LIMD2: variants seen among roughly 807,000 people sequenced by gnomAD.
LIMD2 encodes the protein LIM domain containing 2.
Under a neutral mutation model 16.0 loss-of-function variants are expected in LIMD2, and 11 were observed. The observed-to-expected ratio is 0.69, with a 90% confidence interval of 0.43 to 1.14. The LOEUF (loss-of-function observed/expected upper bound fraction) is 1.14, where lower values mean the gene tolerates loss of function less well. Ranked by LOEUF, LIMD2 falls within the 50% of genes most tolerant of loss-of-function variation. LIMD2 has a pLI of 0.00. For synonymous variants in LIMD2, 60 were observed against 67.1 expected, an observed-to-expected ratio of 0.89 and a Z score of 0.52; for missense variants, 168 against 165.8, an observed-to-expected ratio of 1.01 and a Z score of -0.07.
At chr17:63,700,432 G>T, upstream of LIMD2, 1 of 152,062 alleles carries the variant, frequency 6.6e-6, no homozygotes, top group Non-Finnish European at 1.5e-5. This position sits in a 1 kb window ranked among gnomAD's most constrained non-coding sequence, Gnocchi z 7.1. Context: ...GGCAGGGACA[G>T]GATGGAAGGG....
chr17:63,700,800 C>T (rs930640795), upstream of LIMD2: 2 of 147,328 alleles, frequency 1.4e-5, no homozygotes, highest in African/African-American at 4.9e-5. The surrounding 1 kb of genome is among the most constrained non-coding windows in gnomAD (Gnocchi z 7.1). Context: ...GAGGAGCCTG[C>T]ACGAGGGCCC....
rs2035704162 is a variant in LIMD2 at position 63,697,038 on chromosome 17, C to G, written c.*1514G>C. ...CCAGGAGTCTCTGTTCTCATCGATC[C>G]CATGTCTGGAGACATCAGGAAGTTG... On this transcript the variant is annotated 3_prime_UTR_variant, in exon 5 of 5. Coordinates refer to ENST00000259006, the MANE Select transcript of LIMD2 (RefSeq NM_030576.4). 1 of 152,236 alleles carries G rather than the reference C, an allele frequency of 6.6e-6. No homozygotes were observed. The highest frequency in any genetic ancestry group is 6.5e-5 in the Admixed American group (1 of 15,276). The allele number at this position is 152,236 out of a possible 1,614,324, so 9.4% of individuals were successfully genotyped here. A position where few individuals can be genotyped will look rare whatever the true frequency, so the allele number is the denominator to read the frequency against.
In LIMD2 at chr17:63,700,069, G is replaced by C; in HGVS notation, c.-88C>G. 1 of 984,406 alleles carries C rather than the reference G, an allele frequency of 1.0e-6. No homozygotes were observed. Among genetic ancestry groups the C allele is most frequent in the Non-Finnish European group, 1.2e-6 (1 of 829,294 alleles). 61.0% of individuals were successfully genotyped at this position (984,406 alleles called of 1,614,324 possible). ...GGGCCGCGGGGCGGGATCGGTCTCC[G>C]GGGGCGCACGGGTACGAGGAGGGCG... On this transcript the variant is annotated 5_prime_UTR_variant, in exon 1 of 5. Coordinates refer to ENST00000259006, the MANE Select transcript of LIMD2 (RefSeq NM_030576.4). This position sits in a 1 kb window ranked among gnomAD's most constrained non-coding sequence, Gnocchi z 7.1.
rs542776849 is a variant in LIMD2 at position 63,699,255 on chromosome 17, A to G, written c.42+2T>C. ...GGCCCTCCCACCCAGCCGGGCACTT[A>G]CATGAGAGGGGGTGGCCTGGGCGGC... On this transcript the variant is annotated splice_donor_variant, in intron 2 of 4. Transcript: ENST00000259006. LOFTEE classifies it high-confidence loss of function. 6.2e-7 allele frequency: 1 copy of G among 1,611,654 alleles called. No homozygotes were observed. Among genetic ancestry groups the G allele is most frequent in the Non-Finnish European group, 8.5e-7 (1 of 1,179,512 alleles).
In LIMD2 at chr17:63,697,623, A is replaced by C. The variant is rs191114996; in HGVS notation, c.*929T>G. 3 of 152,382 alleles carry C rather than the reference A, an allele frequency of 2.0e-5. No individual in the cohort carries two copies. The highest frequency in any genetic ancestry group is 7.2e-5 in the African/African-American group (3 of 41,550). 9.4% of individuals were successfully genotyped at this position (152,382 alleles called of 1,614,324 possible). ...CCAAAACCACTGTGGGTGTGACAGC[A>C]TGAAGCCCTCGCTGTGAAGAGGAGC... On this transcript the variant is annotated 3_prime_UTR_variant, in exon 5 of 5. Coordinates refer to ENST00000259006, the MANE Select transcript of LIMD2 (RefSeq NM_030576.4).
upstream of LIMD2, chr17:63,700,645 C>G (rs368263910): frequency 6.6e-6 from 1 of 151,604 alleles, no homozygotes; most frequent in South Asian, 2.1e-4. The surrounding 1 kb of genome is among the most constrained non-coding windows in gnomAD (Gnocchi z 7.1). Flanking sequence ...GAGACCCAGC[C>G]GGGGCGACCC....
Position 63,696,484 on chromosome 17 carries a change from C to G in LIMD2, c.*2068G>C, listed in dbSNP as rs747669813. ...GATACCATTGTCAGTCCAGAGGTGT[C>G]TGCCCCTTTCCTCCAGTTGCCCCTC... On this transcript the variant is annotated 3_prime_UTR_variant, in exon 5 of 5. Coordinates refer to ENST00000259006, the MANE Select transcript of LIMD2 (RefSeq NM_030576.4). 6.1e-4 allele frequency: 93 copies of G among 152,592 alleles called. 1 individual carries two copies. The highest frequency in any genetic ancestry group is 6.2e-4 in the Non-Finnish European group (42 of 68,210). The allele number at this position is 152,592 out of a possible 1,614,324, so 9.5% of individuals were successfully genotyped here.
In LIMD2 at chr17:63,698,288, T is replaced by A; in HGVS notation, c.*264A>T. On this transcript the variant is annotated 3_prime_UTR_variant, in exon 5 of 5. Transcript: ENST00000259006. Reference sequence around the variant, plus strand: ...GGCTTGGGGGCCTCCCAGGGGGTCCTGGGGTGAGGTGGGGAGGGAGGCTGA... The same window carrying A: ...GGCTTGGGGGCCTCCCAGGGGGTCCAGGGGTGAGGTGGGGAGGGAGGCTGA... The A allele has an allele frequency of 1.9e-6, 1 of 514,634 alleles. No homozygotes were observed. Among genetic ancestry groups the A allele is most frequent in the South Asian group, 2.3e-5 (1 of 43,188 alleles). The allele number at this position is 514,634 out of a possible 1,614,324, so 31.9% of individuals were successfully genotyped here. A position where few individuals can be genotyped will look rare whatever the true frequency, so the allele number is the denominator to read the frequency against.
upstream of LIMD2, chr17:63,700,828 C>CGGCAG (rs57885810): frequency 1.3e-5 from 2 of 152,102 alleles, no homozygotes; most frequent in East Asian, 1.9e-4. The surrounding 1 kb of genome is among the most constrained non-coding windows in gnomAD (Gnocchi z 7.1). Context: ...CCGGCAGCCC[C>CGGCAG]CCCAGCCCTC....
chr17:63,698,945 G>A lies in LIMD2; in HGVS notation c.85-7C>T. ...GGGCCCGCAGGCTGAAGGACTGTGC[G>A]GGAAGCTCAGCCAGGTGCTGCCCCA... On this transcript the variant is annotated splice_polypyrimidine_tract_variant and splice_region_variant and intron_variant, in intron 3 of 4. Coordinates refer to ENST00000259006, the MANE Select transcript of LIMD2 (RefSeq NM_030576.4). 4.3e-6 allele frequency: 7 copies of A among 1,612,672 alleles called. No individual in the cohort carries two copies. The highest frequency in any genetic ancestry group is 1.3e-5 in the African/African-American group (1 of 75,044).
At chr17:63,699,938 T>G (rs1215166401) in intron 1 of LIMD2, 94 bp downstream of exon 1, 129 of 983,076 alleles carry the variant, frequency 1.3e-4, no homozygotes, top group Middle Eastern at 5.2e-4. Context: ...GCTCGCAGAC[T>G]CGCCGGGACC....
chr17:63,699,230 GGC>G, intron 2 of LIMD2, 25 bp downstream of exon 2: 2 of 1,610,434 alleles, frequency 1.2e-6, no homozygotes, highest in South Asian at 1.1e-5. Flanking sequence ...CTGTCCGGGG[GGC>G]CCTCCCACCC....
chr17:63,698,329 G>A lies in LIMD2; in HGVS notation c.*223C>T, dbSNP rs539942827. On this transcript the variant is annotated 3_prime_UTR_variant, in exon 5 of 5. Transcript: ENST00000259006. ...GGGAGGCTGAACGAAGCAGGAAGCA[G>A]GGTGGTGGGCAGACCCCAATCCTGG... 41 of 606,388 alleles carry A rather than the reference G, an allele frequency of 6.8e-5. No individual in the cohort carries two copies. In the South Asian group the frequency reaches 7.9e-4, roughly 12 times the overall value. 37.6% of individuals were successfully genotyped at this position (606,388 alleles called of 1,614,324 possible).
chr17:63,699,601 G>A, intron 1 of LIMD2: 1 of 357,328 alleles, frequency 2.8e-6, no homozygotes, highest in Non-Finnish European at 4.9e-6. Flanking sequence ...GGGCTCCCGC[G>A]CAGCCGCCGT....
rs1264683341 is a variant in LIMD2, at chr17:63,698,902, C to A, written c.121G>T (p.Ala41Ser). Residue 41 changes from alanine (A) to serine (S), a missense_variant, in exon 4 of 5, where the codon GCC becomes TCC. By Grantham distance (99) the Ala-to-Ser change is moderately conservative. Transcript: ENST00000259006. The part of the protein sequence containing the change: ...SLRAQVKETC[A>S]ACQKTVYPME... ...GGGTACACGGTCTTCTGGCAGGCGG[C>A]GCAGGTCTCCTTCACCTGGGCCCGC... 1 of 1,612,792 alleles carries A rather than the reference C, an allele frequency of 6.2e-7. No individual in the cohort carries two copies.
At position 63,698,310 on chromosome 17, in the gene LIMD2, C is replaced by T. The variant is rs376202864; in HGVS notation, c.*242G>A. ...TCCTGGGGTGAGGTGGGGAGGGAGG[C>T]TGAACGAAGCAGGAAGCAGGGTGGT... On this transcript the variant is annotated 3_prime_UTR_variant, in exon 5 of 5. Transcript: ENST00000259006. The T allele has an allele frequency of 1.4e-5, 8 of 567,358 alleles. No homozygotes were observed. In the South Asian group the frequency reaches 1.5e-4, roughly 11 times the overall value. The allele number at this position is 567,358 out of a possible 1,614,324, so 35.1% of individuals were successfully genotyped here. A position where few individuals can be genotyped will look rare whatever the true frequency, so the allele number is the denominator to read the frequency against.
At chr17:63,699,629 G>C (rs2143677736) in intron 1 of LIMD2, 1 of 309,882 alleles carries the variant, frequency 3.2e-6, no homozygotes, top group Non-Finnish European at 5.6e-6. Flanking sequence ...CCGCGGGCTG[G>C]GACCGCTTGG....
rs1223815139 is a variant in LIMD2, at chr17:63,697,468, C to T, written c.*1084G>A. 3 of 152,222 alleles carry T rather than the reference C, an allele frequency of 2.0e-5. No individual in the cohort carries two copies. The highest frequency in any genetic ancestry group is 4.8e-5 in the African/African-American group (2 of 41,444). 9.4% of individuals were successfully genotyped at this position (152,222 alleles called of 1,614,324 possible). The stretch of plus-strand genomic sequence containing the variant: ...TTGCACCCCAGGCACTGAAGTGCAG[C>T]GAGGACAGGCGCCATCACCCACTGG... On this transcript the variant is annotated 3_prime_UTR_variant, in exon 5 of 5. Coordinates refer to ENST00000259006, the MANE Select transcript of LIMD2 (RefSeq NM_030576.4).
At chr17:63,699,410 G>A in intron 1 of LIMD2, 62 bp from the exon 2 acceptor site, 1 of 1,455,950 alleles carries the variant, frequency 6.9e-7, no homozygotes, top group East Asian at 2.4e-5. Flanking sequence ...AGGGTGGGGG[G>A]TGTTGACAGG....
Sources: allele counts gnomAD v4.1 joint callset, GRCh38; gene constraint gnomAD v4.1.1; non-coding constraint Gnocchi (gnomAD v3.1); transcripts MANE v1.5; gene names NCBI Gene and HGNC (gene_info 2026-07-23, HGNC 2026-07-21).